Variants in KAZN observed in about 807,000 individuals in gnomAD.
KAZN encodes kazrin, periplakin interacting protein, also known as kazrin.
Under a neutral mutation model 87.4 loss-of-function variants are expected in KAZN, and 40 were observed. The ratio of observed to expected loss-of-function variants is 0.46; its 90% confidence interval spans 0.36 to 0.60. KAZN has a LOEUF of 0.60. Among genes scored for constraint, KAZN ranks in the 20% least tolerant of loss-of-function variants. KAZN has a pLI of 0.00. For synonymous variants in KAZN, 466 were observed against 458.3 expected (o/e 1.02, Z -0.22); for missense variants, 898 against 1,073.9 (o/e 0.84, Z 2.29).
chr1:14,661,826 G>T (rs1304082328), intron 1 of KAZN, among the ~76,000 whole-genome samples: 1 of 152,120 alleles, frequency 6.6e-6, no homozygotes, highest in Non-Finnish European at 1.5e-5. Flanking sequence ...TGAGGCGTGA[G>T]GATCACTTGA....
At chr1:15,032,640 A>G (rs552457269) in intron 2 of KAZN, among the ~76,000 whole-genome samples, 4 of 152,076 alleles carry the variant, frequency 2.6e-5, no homozygotes, top group Non-Finnish European at 5.9e-5. Flanking sequence ...TATGAATTCA[A>G]TGAACTGTGG....
At chr1:14,997,989 G>A (rs748841416) in intron 2 of KAZN, among the ~76,000 whole-genome samples, 3 of 152,180 alleles carry the variant, frequency 2.0e-5, no homozygotes, top group African/African-American at 4.8e-5. Flanking sequence ...AGCACTCAAC[G>A]AGTCACTGTC....
At chr1:15,040,569 C>T (rs192254306) in intron 3 of KAZN, among the ~76,000 whole-genome samples, 1 of 152,242 alleles carries the variant, frequency 6.6e-6, no homozygotes, top group Admixed American at 6.5e-5. Flanking sequence ...AGTCCAACAC[C>T]AGCCTGGCCA....
intron 2 of KAZN, among the ~76,000 whole-genome samples, chr1:14,376,613 T>C (rs951169261): frequency 6.6e-6 from 1 of 152,226 alleles, no homozygotes; most frequent in South Asian, 2.1e-4. Context: ...CAGTTTGTGG[T>C]ATTATCTTGT....
At chr1:13,940,554 T>A (rs973391828) in intron 1 of KAZN, among the ~76,000 whole-genome samples, 1 of 152,188 alleles carries the variant, frequency 6.6e-6, no homozygotes, top group Non-Finnish European at 1.5e-5. Context: ...TGATGACATA[T>A]ACATATCAGA....
chr1:14,232,648 C>A (rs1201560882), intron 2 of KAZN, among the ~76,000 whole-genome samples: 1 of 152,200 alleles, frequency 6.6e-6, no homozygotes, highest in East Asian at 1.9e-4. Context: ...TAAAGCATTT[C>A]TCTCTGGCTT....
intron 1 of KAZN, among the ~76,000 whole-genome samples, chr1:14,660,541 C>CTCTTTTTTTT: frequency 1.3e-5 from 1 of 76,034 alleles, no homozygotes; most frequent in South Asian, 5.3e-4. Context: ...CTCTCTCTCT[C>CTCTTTTTTTT]TTTTTTTTTT....
At chr1:14,011,093 C>A (rs1557780430) in intron 1 of KAZN, among the ~76,000 whole-genome samples, 1 of 151,466 alleles carries the variant, frequency 6.6e-6, no homozygotes, top group Admixed American at 6.6e-5. Context: ...TCTTGGGAGC[C>A]CCCAGACCAA....
In KAZN at chr1:14,252,140, T is replaced by C. The variant is rs534245737; in HGVS notation, c.249+71548T>C. 4.6e-5 allele frequency among the ~76,000 whole-genome samples: 7 copies of C among 152,314 alleles called. 1 individual carries two copies. In the East Asian group the frequency reaches 1.4e-3, roughly 29 times the overall value. ...TGTCTTTCTCTCTGTGCCTCCACTGTAGAATGCTTTTATCTATAAATGTGT... is the reference window on the plus strand; with the variant it reads ...TGTCTTTCTCTCTGTGCCTCCACTGCAGAATGCTTTTATCTATAAATGTGT... On this transcript the variant is annotated intron_variant, in intron 2 of 16. Transcript: ENST00000636203.
chr1:14,791,502 C>T (rs555787441), intron 1 of KAZN, among the ~76,000 whole-genome samples: 29 of 152,306 alleles, frequency 1.9e-4, no homozygotes, highest in African/African-American at 6.0e-4. Flanking sequence ...TTAGATTCTG[C>T]GTGACTTGCA....
intron 1 of KAZN, among the ~76,000 whole-genome samples, chr1:14,631,199 AC>A (rs1255503645): frequency 6.6e-6 from 1 of 151,816 alleles, no homozygotes; most frequent in Non-Finnish European, 1.5e-5. Context: ...CTAGGAAGTG[AC>A]CCCCTCTGCG....
chr1:14,812,065 T>A (rs943458877), intron 1 of KAZN, among the ~76,000 whole-genome samples: 2 of 152,184 alleles, frequency 1.3e-5, no homozygotes, highest in East Asian at 3.8e-4. Flanking sequence ...CTGCTTAAGA[T>A]GTTAGAAGGG....
chr1:14,223,560 C>T (rs1445901685), intron 2 of KAZN, among the ~76,000 whole-genome samples: 1 of 152,200 alleles, frequency 6.6e-6, no homozygotes. Flanking sequence ...TTATAATTTT[C>T]TCTTTGTGTC....
chr1:15,063,678 A>C (rs1385081226), intron 7 of KAZN, 56 bp downstream of exon 7: 1 of 1,388,618 alleles, frequency 7.2e-7, no homozygotes, highest in African/African-American at 1.4e-5. Context: ...CTTGACTACA[A>C]CTTCACCCTC....
chr1:14,311,202 A>C (rs982658310), intron 2 of KAZN, among the ~76,000 whole-genome samples: 2 of 152,200 alleles, frequency 1.3e-5, no homozygotes, highest in African/African-American at 4.8e-5. Flanking sequence ...GGTTAAGAGC[A>C]AGCAAGATTT....
chr1:15,092,073 A>ATTTTTTT (rs58871336), intron 8 of KAZN, among the ~76,000 whole-genome samples: 16 of 75,484 alleles, frequency 2.1e-4, no homozygotes, highest in African/African-American at 7.7e-4. Context: ...TTTTTTTTTG[A>ATTTTTTT]TTTTTTTTTT....
intron 1 of KAZN, among the ~76,000 whole-genome samples, chr1:13,950,954 AC>A (rs1417124338): frequency 6.6e-6 from 1 of 152,158 alleles, no homozygotes; most frequent in African/African-American, 2.4e-5. Context: ...TTCTCGGGAA[AC>A]TGTCAAAGGA....
chr1:14,413,772 T>C (rs553602025), intron 2 of KAZN, among the ~76,000 whole-genome samples: 1 of 151,778 alleles, frequency 6.6e-6, no homozygotes, highest in South Asian at 2.1e-4. Context: ...CAAAGTAAAA[T>C]GCAAATCACA....
At chr1:14,144,765 G>A (rs916094689) in intron 1 of KAZN, among the ~76,000 whole-genome samples, 2 of 152,244 alleles carry the variant, frequency 1.3e-5, no homozygotes, top group Non-Finnish European at 2.9e-5. Context: ...GGAGAGCCCA[G>A]TGCAGAGATC....
Sources: allele counts gnomAD v4.1 joint callset (sites outside exome capture counted in the v4.1 genomes callset), GRCh38; gene constraint gnomAD v4.1.1; transcripts MANE v1.5; gene names NCBI Gene and HGNC (gene_info 2026-07-23, HGNC 2026-07-21).